Variants in HOTAIR observed in about 807,000 individuals in gnomAD.
HOTAIR encodes HOX transcript antisense RNA (non-protein coding).
intron 1 of HOTAIR, among the ~76,000 whole-genome samples, chr12:53,970,261 G>A (rs1939126645): frequency 6.6e-6 from 1 of 152,238 alleles, no homozygotes; most frequent in Non-Finnish European, 1.5e-5. Context: ...GCCACCTGGA[G>A]CGGGCTTGAC....
Position 53,973,597 on chromosome 12 carries a change from G to T in HOTAIR, n.59+1301C>A, listed in dbSNP as rs777431810. ...ACCGAGATCCTCATGAAAAACGAAG[G>T]CTCCTACGGCGGCCACCACCACCCC... On this transcript the variant is annotated intron_variant and non_coding_transcript_variant, in intron 1 of 6. Coordinates refer to ENST00000424518, the Ensembl canonical transcript of HOTAIR. This position sits in a 1 kb window ranked among gnomAD's most constrained non-coding sequence, Gnocchi z 4.3. 1.3e-5 allele frequency: 21 copies of T among 1,613,220 alleles called. No individual in the cohort carries two copies. The African/African-American group carries it at 1.3e-4, about 10-fold the overall frequency.
intron 1 of HOTAIR, among the ~76,000 whole-genome samples, chr12:53,972,140 C>G (rs1191975351): frequency 1.3e-5 from 2 of 152,208 alleles, no homozygotes; most frequent in Admixed American, 1.3e-4. Flanking sequence ...TAGTCCCCCC[C>G]ACCATATTCT....
chr12:53,962,496 T>C (rs1235837226), exon 7 of HOTAIR: 1 of 152,230 alleles, frequency 6.6e-6, no homozygotes, highest in East Asian at 1.9e-4. Flanking sequence ...GCATGGAAAA[T>C]ACATTATTAT....
At position 53,973,182 on chromosome 12, in the gene HOTAIR, T is replaced by A. The variant is rs1281719310; in HGVS notation, n.59+1716A>T. The stretch of plus-strand genomic sequence containing the variant: ...ACGCGTCATCTCGCCTTCCCAAATT[T>A]TCCCCCCTCGCTAGACCGGGTCCAA... On this transcript the variant is annotated intron_variant and non_coding_transcript_variant, in intron 1 of 6. Coordinates refer to ENST00000424518, the Ensembl canonical transcript of HOTAIR. This position sits in a 1 kb window ranked among gnomAD's most constrained non-coding sequence, Gnocchi z 4.3. 2 of 1,387,626 alleles carry A rather than the reference T, an allele frequency of 1.4e-6. No individual in the cohort carries two copies. Among genetic ancestry groups the A allele is most frequent in the East Asian group, 2.3e-5 (1 of 43,378 alleles). The allele number at this position is 1,387,626 out of a possible 1,614,324, so 86.0% of individuals were successfully genotyped here.
At chr12:53,970,165 G>A (rs1486275926) in intron 1 of HOTAIR, among the ~76,000 whole-genome samples, 1 of 152,248 alleles carries the variant, frequency 6.6e-6, no homozygotes, top group Admixed American at 6.5e-5. Context: ...GGGCCGGATG[G>A]CCCTGCTGCA....
At chr12:53,968,774 C>G (rs958088696) in intron 1 of HOTAIR, 2 of 152,016 alleles carry the variant, frequency 1.3e-5, no homozygotes, top group Admixed American at 6.6e-5. Flanking sequence ...AGATCCCAAA[C>G]AAATGATTCT....
Position 53,973,679 on chromosome 12 carries a change from C to T in HOTAIR, n.59+1219G>A. ...ACTCCTCAGTCAACAAGAACAGCGT[C>T]CTGCCTCAAGCCTTCGACCGTTTCT... On this transcript the variant is annotated intron_variant and non_coding_transcript_variant, in intron 1 of 6. Transcript: ENST00000424518. This position sits in a 1 kb window ranked among gnomAD's most constrained non-coding sequence, Gnocchi z 4.3. 1 of 1,613,756 alleles carries T rather than the reference C, an allele frequency of 6.2e-7. No homozygotes were observed. Among genetic ancestry groups the T allele is most frequent in the Non-Finnish European group, 8.5e-7 (1 of 1,180,036 alleles).
rs777615105 is a variant in HOTAIR at position 53,973,247 on chromosome 12, T to C, written n.59+1651A>G. The C allele has an allele frequency of 2.2e-5, 35 of 1,593,776 alleles. 1 individual carries two copies. In the South Asian group the frequency reaches 3.9e-4, roughly 18 times the overall value. The stretch of plus-strand genomic sequence containing the variant: ...GCCGGCAGGAGAGGAGAACGATGTT[T>C]AACTCGGTCAACCTGGGCAACTTCT... On this transcript the variant is annotated intron_variant and non_coding_transcript_variant, in intron 1 of 6. Coordinates refer to ENST00000424518, the Ensembl canonical transcript of HOTAIR. This position sits in a 1 kb window ranked among gnomAD's most constrained non-coding sequence, Gnocchi z 4.3.
At chr12:53,971,235 G>T (rs1374587056) in intron 1 of HOTAIR, among the ~76,000 whole-genome samples, 1 of 152,182 alleles carries the variant, frequency 6.6e-6, no homozygotes, top group Admixed American at 6.5e-5. Context: ...CCCCAATCTA[G>T]TTCTTCTTTG....
chr12:53,974,936 C>G (rs562612832), exon 1 of HOTAIR: 5 of 499,782 alleles, frequency 1.0e-5, no homozygotes, highest in African/African-American at 6.3e-5. Flanking sequence ...CTGTCAGCCG[C>G]GGCTCTCGCC....
At position 53,973,306 on chromosome 12, in the gene HOTAIR, T is replaced by TCGG. The variant is rs1312907384; in HGVS notation, n.59+1589_59+1591dup. On this transcript the variant is annotated intron_variant and non_coding_transcript_variant, in intron 1 of 6. Transcript: ENST00000424518. The surrounding 1 kb of genome is among the most constrained non-coding windows in gnomAD (Gnocchi z 4.3). ...TCGCGCAAGGAGAGGGGCGCAGATT[T>TCGG]CGGCGAGCGAGGGAGCTGCGCCTCC... 1 of 1,614,020 alleles carries TCGG rather than the reference T, an allele frequency of 6.2e-7. No individual in the cohort carries two copies.
At chr12:53,971,958 C>T (rs1241954566) in intron 1 of HOTAIR, among the ~76,000 whole-genome samples, 1 of 152,210 alleles carries the variant, frequency 6.6e-6, no homozygotes, top group Admixed American at 6.5e-5. Flanking sequence ...GTCACAGCCC[C>T]AGGGACAGAG....
exon 7 of HOTAIR, chr12:53,963,522 C>G (rs377235669): frequency 1.3e-5 from 2 of 152,380 alleles, no homozygotes; most frequent in East Asian, 3.9e-4. Flanking sequence ...GTTTATGAGT[C>G]CATGGGTTCC....
At chr12:53,970,831 C>T (rs1412731122) in intron 1 of HOTAIR, among the ~76,000 whole-genome samples, 1 of 152,192 alleles carries the variant, frequency 6.6e-6, no homozygotes, top group African/African-American at 2.4e-5. Flanking sequence ...ACCCCCATCT[C>T]AGTCCTGGCT....
In HOTAIR at chr12:53,973,977, G is replaced by A; in HGVS notation, n.59+921C>T. The A allele has an allele frequency of 7.1e-7, 1 of 1,404,550 alleles. No homozygotes were observed. The highest frequency in any genetic ancestry group is 1.5e-5 in the African/African-American group (1 of 68,266). 87.0% of individuals were successfully genotyped at this position (1,404,550 alleles called of 1,614,324 possible). On this transcript the variant is annotated intron_variant and non_coding_transcript_variant, in intron 1 of 6. Transcript: ENST00000424518. The surrounding 1 kb of genome is among the most constrained non-coding windows in gnomAD (Gnocchi z 4.3). ...GGCAGCGAGGGAGGGAGCGAGAGAG[G>A]GAGGGCGAGAGAAGGGGGGAGGCAA...
rs770230057 is a variant in HOTAIR, at chr12:53,973,602, T to C, written n.59+1296A>G. ...GATCCTCATGAAAAACGAAGGCTCC[T>C]ACGGCGGCCACCACCACCCCAGCGC... is the stretch of plus-strand genomic sequence containing the variant. On this transcript the variant is annotated intron_variant and non_coding_transcript_variant, in intron 1 of 6. Coordinates refer to ENST00000424518, the Ensembl canonical transcript of HOTAIR. The surrounding 1 kb of genome is among the most constrained non-coding windows in gnomAD (Gnocchi z 4.3). The C allele has an allele frequency of 3.1e-6, 5 of 1,613,240 alleles. No individual in the cohort carries two copies. Among genetic ancestry groups the C allele is most frequent in the Non-Finnish European group, 4.2e-6 (5 of 1,179,910 alleles).
At chr12:53,962,739 G>C (rs1462191032) in exon 7 of HOTAIR, 1 of 151,894 alleles carries the variant, frequency 6.6e-6, no homozygotes, top group Non-Finnish European at 1.5e-5. Context: ...TATTATTTCT[G>C]TCTTTTAAAT....
chr12:53,969,327 A>G (rs958979560), intron 1 of HOTAIR, among the ~76,000 whole-genome samples: 1 of 152,180 alleles, frequency 6.6e-6, no homozygotes, highest in African/African-American at 2.4e-5. Flanking sequence ...TCCTGGGACA[A>G]TCTCTCCACA....
In HOTAIR at chr12:53,973,536, C is replaced by G; in HGVS notation, n.59+1362G>C. The G allele has an allele frequency of 6.2e-7, 1 of 1,613,632 alleles. No individual in the cohort carries two copies. Among genetic ancestry groups the G allele is most frequent in the Non-Finnish European group, 8.5e-7 (1 of 1,180,012 alleles). ...CTCCTGCTATGCGGCGGCCGACGAG[C>G]TTATGCACCGGGAGTGCCTGCCTCC... On this transcript the variant is annotated intron_variant and non_coding_transcript_variant, in intron 1 of 6. Coordinates refer to ENST00000424518, the Ensembl canonical transcript of HOTAIR. This position sits in a 1 kb window ranked among gnomAD's most constrained non-coding sequence, Gnocchi z 4.3.
Sources: gnomAD v4.1 joint callset for allele counts (sites outside exome capture counted in the v4.1 genomes callset) on GRCh38, gnomAD v4.1.1 for gene constraint, Gnocchi (gnomAD v3.1) non-coding constraint, MANE v1.5 for transcripts, NCBI Gene and HGNC (gene_info 2026-07-23, HGNC 2026-07-21) for gene names.